Variants in PCSK2 observed in about 807,000 individuals in gnomAD.
The protein encoded by PCSK2 is neuroendocrine convertase 2.
In PCSK2, 14 loss-of-function variants were observed where a neutral mutation model predicts 69.7. That is an observed-to-expected ratio of 0.20 (90% CI 0.13 to 0.31). The LOEUF (loss-of-function observed/expected upper bound fraction) is 0.31, where lower values mean the gene tolerates loss of function less well. PCSK2 is among the 10% of genes least tolerant of loss of function. The pLI is 1.00. For synonymous variants in PCSK2, 307 were observed against 320.7 expected (o/e 0.96, Z 0.46); for missense variants, 544 against 842.5 (o/e 0.65, Z 4.39).
intron 6 of PCSK2, among the ~76,000 whole-genome samples, chr20:17,410,690 A>T (rs1271870973): frequency 1.3e-5 from 2 of 152,222 alleles, no homozygotes; most frequent in Non-Finnish European, 2.9e-5. Context: ...AGTGTGTTTT[A>T]TCTCTGTGAC....
chr20:17,306,709 C>A (rs2123103623), intron 2 of PCSK2, among the ~76,000 whole-genome samples: 1 of 152,172 alleles, frequency 6.6e-6, no homozygotes, highest in East Asian at 1.9e-4. Context: ...CTAACAGAAG[C>A]ATTTCCAGTG....
intron 5 of PCSK2, among the ~76,000 whole-genome samples, chr20:17,388,989 A>G (rs2031306293): frequency 6.6e-6 from 1 of 152,146 alleles, no homozygotes; most frequent in African/African-American, 2.4e-5. Context: ...CAACCAAGTC[A>G]CTCAGAGTGT....
rs754172481 is a variant in PCSK2, at chr20:17,260,392, G to A, written c.282+48G>A. On this transcript the variant is annotated intron_variant, in intron 2 of 11. Transcript: ENST00000262545. Reference sequence around the variant, plus strand: ...CCTCCCAATCTCTGCTGCCATGGCTGAGCCCACCAAGGGGGTGTGGAGGGG... The same window carrying A: ...CCTCCCAATCTCTGCTGCCATGGCTAAGCCCACCAAGGGGGTGTGGAGGGG... 6.8e-6 allele frequency: 9 copies of A among 1,330,866 alleles called. No individual in the cohort carries two copies. In the South Asian group the frequency reaches 1.1e-4, roughly 16 times the overall value. 82.4% of individuals were successfully genotyped at this position (1,330,866 alleles called of 1,614,324 possible).
intron 2 of PCSK2, among the ~76,000 whole-genome samples, chr20:17,309,547 G>A (rs1424999000): frequency 1.3e-5 from 2 of 152,198 alleles, no homozygotes; most frequent in Non-Finnish European, 2.9e-5. Context: ...GCTGGGCATG[G>A]CGGCTCATGC....
At position 17,315,658 on chromosome 20, in the gene PCSK2, C is replaced by A. The variant is rs568949323; in HGVS notation, c.283-42669C>A. 1.2e-4 allele frequency among the ~76,000 whole-genome samples: 18 copies of A among 152,328 alleles called. No individual in the cohort carries two copies. In the East Asian group the frequency reaches 2.5e-3, roughly 21 times the overall value. On this transcript the variant is annotated intron_variant, in intron 2 of 11. Transcript: ENST00000262545. ...ATGAGTAGGTGCCTGCAGCCAGGGG[C>A]GCGCCCATCCTTTCGCACACAACAG...
intron 11 of PCSK2, among the ~76,000 whole-genome samples, chr20:17,470,889 T>A (rs909499906): frequency 2.1e-5 from 2 of 94,738 alleles, no homozygotes; most frequent in African/African-American, 8.2e-5. Context: ...GCAGTGCAAC[T>A]GGCACGATAT....
chr20:17,280,770 C>T (rs1419300140), intron 2 of PCSK2, among the ~76,000 whole-genome samples: 2 of 152,210 alleles, frequency 1.3e-5, no homozygotes, highest in Admixed American at 1.3e-4. Context: ...TTAATTGGCA[C>T]TTTCCATGTG....
chr20:17,414,057 C>G (rs1381888999), intron 6 of PCSK2, among the ~76,000 whole-genome samples: 1 of 151,742 alleles, frequency 6.6e-6, no homozygotes, highest in Non-Finnish European at 1.5e-5. Flanking sequence ...ATTTATAGCA[C>G]TAAATGCCCA....
chr20:17,425,197 T>C (rs73261705), intron 6 of PCSK2, among the ~76,000 whole-genome samples: 319 of 152,380 alleles, frequency 2.1e-3, no homozygotes, highest in African/African-American at 7.4e-3. Context: ...TATATTTTTT[T>C]AAATATTTCA....
Position 17,453,865 on chromosome 20 carries a change from G to A in PCSK2, c.1009G>A (p.Asp337Asn), listed in dbSNP as rs2032871886. Residue 337 changes from aspartate to asparagine, a missense_variant, in exon 9 of 12, where the codon GAC becomes AAC. By Grantham distance (23) the Asp-to-Asn change is conservative. Around this residue, in one of 3 missense-constraint regions of PCSK2, gnomAD observed 187 missense variants for 399.8 expected, o/e 0.47. Transcript: ENST00000262545. This position sits in a 1 kb window ranked among gnomAD's most constrained non-coding sequence, Gnocchi z 4.0. The stretch of plus-strand genomic sequence containing the variant: ...CATCTCCATCAACTCAGCCATCAAC[G>A]ACGGCAGGACTGCCCTGTACGACGA... ...WTISINSAIN[D>N]GRTALYDESC... 2.5e-6 allele frequency: 4 copies of A among 1,614,132 alleles called. No individual in the cohort carries two copies. Among genetic ancestry groups the A allele is most frequent in the Non-Finnish European group, 3.4e-6 (4 of 1,180,058 alleles).
At chr20:17,296,445 CCAAACCACTCGCG>C (rs1988896559) in intron 2 of PCSK2, among the ~76,000 whole-genome samples, 1 of 152,168 alleles carries the variant, frequency 6.6e-6, no homozygotes, top group South Asian at 2.1e-4. Flanking sequence ...GCTGACACTG[CCAAACCACTCGCG>C]CCCCTCTCAG....
At chr20:17,341,383 G>C (rs1990506640) in intron 2 of PCSK2, among the ~76,000 whole-genome samples, 1 of 152,184 alleles carries the variant, frequency 6.6e-6, no homozygotes, top group African/African-American at 2.4e-5. Context: ...TCACACACTT[G>C]AAAGTTGTGA....
intron 4 of PCSK2, among the ~76,000 whole-genome samples, chr20:17,367,397 A>G (rs1362233251): frequency 6.6e-6 from 1 of 152,214 alleles, no homozygotes; most frequent in African/African-American, 2.4e-5. Flanking sequence ...CGCTTTGCAA[A>G]GTAAATAATA....
In PCSK2 at chr20:17,459,997, G is replaced by A. The variant is rs990469281; in HGVS notation, c.1202+3549G>A. Among the ~76,000 whole-genome samples the A allele has an allele frequency of 5.9e-5, 9 of 152,294 alleles. No individual in the cohort carries two copies. The East Asian group carries it at 1.7e-3, about 29-fold the overall frequency. ...AATCCAAATAATAACAGAGACAAGG[G>A]TTTATTTCTCTGTCATGTGAAAGAA... On this transcript the variant is annotated intron_variant, in intron 10 of 11. Coordinates refer to ENST00000262545, the MANE Select transcript of PCSK2 (RefSeq NM_002594.5).
chr20:17,327,110 A>G (rs1231597549), intron 2 of PCSK2, among the ~76,000 whole-genome samples: 1 of 152,240 alleles, frequency 6.6e-6, no homozygotes, highest in African/African-American at 2.4e-5. Context: ...TAAACAGGCT[A>G]ACTTAAAAGT....
At position 17,227,100 on chromosome 20, in the gene PCSK2, G is replaced by A. The variant is rs1985941774; in HGVS notation, c.-206G>A. On this transcript the variant is annotated 5_prime_UTR_variant, in exon 1 of 12. Transcript: ENST00000262545. ...CGCACCCCTGCCCGCGCGCCGGGCC[G>A]CCTGACTGCACGGCTTCCCCTCCAG... 1.3e-5 allele frequency: 7 copies of A among 553,180 alleles called. No individual in the cohort carries two copies. Among genetic ancestry groups the A allele is most frequent in the South Asian group, 7.7e-5 (3 of 39,156 alleles). The allele number at this position is 553,180 out of a possible 1,614,324, so 34.3% of individuals were successfully genotyped here. A position where few individuals can be genotyped will look rare whatever the true frequency, so the allele number is the denominator to read the frequency against.
chr20:17,301,792 G>A (rs1451771826), intron 2 of PCSK2, among the ~76,000 whole-genome samples: 4 of 152,146 alleles, frequency 2.6e-5, no homozygotes, highest in South Asian at 2.1e-4. Context: ...TTAACCAGGC[G>A]TGGTGGTGCA....
chr20:17,325,208 T>G (rs1289700051), intron 2 of PCSK2, among the ~76,000 whole-genome samples: 1 of 152,138 alleles, frequency 6.6e-6, no homozygotes, highest in Non-Finnish European at 1.5e-5. Context: ...CCACTTTTAC[T>G]CACCCTGTGT....
chr20:17,483,964 T>A lies in PCSK2; in HGVS notation c.*1894T>A, dbSNP rs890588737. On this transcript the variant is annotated 3_prime_UTR_variant, in exon 12 of 12. Transcript: ENST00000262545. ...ATATGTGTATATATACATACACTTG[T>A]ATAAATGTATATACACATATACCTA... 3 of 152,578 alleles carry A rather than the reference T, an allele frequency of 2.0e-5. No individual in the cohort carries two copies. Among genetic ancestry groups the A allele is most frequent in the East Asian group, 1.9e-4 (1 of 5,202 alleles). The allele number at this position is 152,578 out of a possible 1,614,324, so 9.5% of individuals were successfully genotyped here.
Sources: allele counts gnomAD v4.1 joint callset (sites outside exome capture counted in the v4.1 genomes callset), GRCh38; gene constraint gnomAD v4.1.1; regional missense constraint gnomAD v4.1.1; non-coding constraint Gnocchi (gnomAD v3.1); transcripts MANE v1.5; gene names NCBI Gene and HGNC (gene_info 2026-07-23, HGNC 2026-07-21).